The following ZDBF2 variants were observed in gnomAD, a reference collection of about 807,000 sequenced individuals.
ZDBF2 encodes DBF4-type zinc finger-containing protein 2.
In ZDBF2, 6 loss-of-function variants were observed where a neutral mutation model predicts 9.4. The ratio of observed to expected loss-of-function variants is 0.64; its 90% CI spans 0.35 to 1.27. The LOEUF is 1.27. ZDBF2 is among the 50% of genes most tolerant of loss of function. The pLI is 0.03. For synonymous variants in ZDBF2, 905 were observed against 946.3 expected, an observed-to-expected ratio of 0.96 and a Z score of 0.80; for missense variants, 2,697 against 2,766.8, an observed-to-expected ratio of 0.97 and a Z score of 0.57.
Position 206,308,834 on chromosome 2 carries a change from A to G in ZDBF2, c.4306A>G (p.Lys1436Glu), listed in dbSNP as rs1692971508. The change falls in exon 5 of 5, where the codon AAG (lysine) becomes GAG (glutamate). Residue 1436 changes from lysine (K) to glutamate (E), a missense_variant. Lys to Glu is a moderately conservative substitution (Grantham distance 56). Coordinates refer to ENST00000374423, the MANE Select transcript of ZDBF2 (RefSeq NM_020923.3). ...ACCTGTCAAAGAAATAAACTTGCAA[A>G]AGAAGGATCATAATGATCTAGAAAA... ...SVPVKEINLQKKDHNDLENKN... is the reference protein window; with the variant it reads ...SVPVKEINLQEKDHNDLENKN... 6.2e-7 allele frequency: 1 copy of G among 1,613,802 alleles called. No homozygotes were observed.
In ZDBF2 at chr2:206,308,830, G is replaced by T. The variant is rs372608561; in HGVS notation, c.4302G>T (p.Leu1434Phe). 24 of 1,613,638 alleles carry T rather than the reference G, an allele frequency of 1.5e-5. No homozygotes were observed. Among genetic ancestry groups the T allele is most frequent in the Admixed American group, 1.2e-4 (7 of 59,960 alleles). Residue 1434 changes from leucine (L) to phenylalanine (F), a missense_variant, in exon 5 of 5, where the codon TTG becomes TTT. Coordinates refer to ENST00000374423, the MANE Select transcript of ZDBF2 (RefSeq NM_020923.3). ...CTGTACCTGTCAAAGAAATAAACTTGCAAAAGAAGGATCATAATGATCTAG... is the reference window on the plus strand; with the variant it reads ...CTGTACCTGTCAAAGAAATAAACTTTCAAAAGAAGGATCATAATGATCTAG... ...QSSVPVKEIN[L>F]QKKDHNDLEN...
At chr2:206,298,283 C>T (rs946965971) in intron 4 of ZDBF2, among the ~76,000 whole-genome samples, 3 of 152,082 alleles carry the variant, frequency 2.0e-5, no homozygotes, top group African/African-American at 4.8e-5. Context: ...TTGTAGCTCC[C>T]GCTGTACAAG....
chr2:206,294,512 C>CG (rs1305732722), intron 3 of ZDBF2, among the ~76,000 whole-genome samples: 2 of 151,860 alleles, frequency 1.3e-5, no homozygotes, highest in Non-Finnish European at 2.9e-5. Context: ...ATTTTAGATT[C>CG]GGGGGGACAC....
intron 3 of ZDBF2, among the ~76,000 whole-genome samples, chr2:206,284,133 G>A (rs1310605152): frequency 6.6e-6 from 1 of 150,776 alleles, no homozygotes; most frequent in Non-Finnish European, 1.5e-5. Flanking sequence ...TCTTTTATCT[G>A]TTTGAGTTCA....
At chr2:206,292,458 A>G (rs912690575) in intron 3 of ZDBF2, among the ~76,000 whole-genome samples, 4 of 152,174 alleles carry the variant, frequency 2.6e-5, no homozygotes, top group African/African-American at 9.7e-5. Flanking sequence ...ATACAACTCT[A>G]TCAGTAATAC....
chr2:206,278,224 A>T (rs573810114), intron 1 of ZDBF2, among the ~76,000 whole-genome samples: 1 of 152,188 alleles, frequency 6.6e-6, no homozygotes, highest in Non-Finnish European at 1.5e-5. Flanking sequence ...TTTTGTAATA[A>T]AAATTAATAA....
chr2:206,304,750 G>A lies in ZDBF2; in HGVS notation c.222G>A (p.Gly74=). 6.2e-7 allele frequency: 1 copy of A among 1,613,034 alleles called. No homozygotes were observed. Among genetic ancestry groups the A allele is most frequent in the Non-Finnish European group, 8.5e-7 (1 of 1,179,454 alleles). Residue 74 remains glycine (G), a synonymous_variant, in exon 5 of 5, where the codon GGG becomes GGA. Coordinates refer to ENST00000374423, the MANE Select transcript of ZDBF2 (RefSeq NM_020923.3). The part of the protein sequence containing the change: ...STQDETHVNT[G]SSSEVVHLDD... ...AAGATGAGACACATGTGAATACTGG[G>A]TCATCGTCTGAAGTGGTGCATTTGG...
At position 206,308,380 on chromosome 2, in the gene ZDBF2, A is replaced by C. The variant is rs140872576; in HGVS notation, c.3852A>C (p.Arg1284Ser). The change falls in exon 5 of 5, where the codon AGA (arginine) becomes AGC (serine). Residue 1284 changes from arginine (R) to serine (S), a missense_variant. By Grantham distance (110) the Arg-to-Ser change is moderately radical. Coordinates refer to ENST00000374423, the MANE Select transcript of ZDBF2 (RefSeq NM_020923.3). The stretch of plus-strand genomic sequence containing the variant: ...AGATTGTCAAACCTACAGATTCCAG[A>C]ATAAATTTTGATTCTCATGAACCCC... ...ENKIVKPTDS[R>S]INFDSHEPLQ... 291 of 1,612,794 alleles carry C rather than the reference A, an allele frequency of 1.8e-4. 1 individual carries two copies. The East Asian group carries it at 6.3e-3, about 35-fold the overall frequency.
At chr2:206,299,005 C>G (rs533420688) in intron 4 of ZDBF2, among the ~76,000 whole-genome samples, 1 of 151,688 alleles carries the variant, frequency 6.6e-6, no homozygotes, top group Non-Finnish European at 1.5e-5. Flanking sequence ...CTCAGCCTCT[C>G]GAGTGGCTGG....
rs1374474706 is a variant in ZDBF2, at chr2:206,274,964, GGCGGGGC to G, written c.-103+23_-103+29del. 6.7e-6 allele frequency: 1 copy of G among 149,926 alleles called. No individual in the cohort carries two copies. Among genetic ancestry groups the G allele is most frequent in the Non-Finnish European group, 1.5e-5 (1 of 67,384 alleles). 9.3% of individuals were successfully genotyped at this position (149,926 alleles called of 1,614,324 possible). The stretch of plus-strand genomic sequence containing the variant: ...CCGCGGAGGTGAGTGCCGCGGCGGG[GGCGGGGC>G]GCGGCCGGGGCGACGCCCGCGGGCG... On this transcript the variant is annotated intron_variant, in intron 1 of 4. Transcript: ENST00000374423.
chr2:206,282,477 T>C (rs1011755558), intron 3 of ZDBF2, among the ~76,000 whole-genome samples: 6 of 152,114 alleles, frequency 3.9e-5, no homozygotes, highest in African/African-American at 2.4e-5. Context: ...GTTACATGGG[T>C]ATATTGCATA....
chr2:206,299,069 CAG>C (rs996046112), intron 4 of ZDBF2, among the ~76,000 whole-genome samples: 9 of 151,340 alleles, frequency 5.9e-5, no homozygotes, highest in African/African-American at 2.2e-4. Context: ...TTAGTAGAGA[CAG>C]GGTTTCACCA....
chr2:206,304,904 G>A lies in ZDBF2; in HGVS notation c.376G>A (p.Glu126Lys), dbSNP rs1158345523. 1 of 1,613,704 alleles carries A rather than the reference G, an allele frequency of 6.2e-7. No individual in the cohort carries two copies. The highest frequency in any genetic ancestry group is 8.5e-7 in the Non-Finnish European group (1 of 1,179,788). Residue 126 changes from glutamate to lysine, a missense_variant, in exon 5 of 5, where the codon GAA becomes AAA. Physicochemically the swap from Glu to Lys is moderately conservative, Grantham distance 56 (BLOSUM62 1). Transcript: ENST00000374423. The part of the protein sequence containing the change: ...ELHSRPHKSQ[E>K]GTQEVSVRPS... ...ACATTCCAGACCTCATAAATCTCAG[G>A]AAGGCACGCAGGAGGTTTCAGTTCG...
rs913485070 is a variant in ZDBF2 at position 206,299,169 on chromosome 2, A to T, written c.188+1796A>T. Among the ~76,000 whole-genome samples the T allele has an allele frequency of 2.0e-5, 3 of 152,016 alleles. No individual in the cohort carries two copies. The South Asian group carries it at 6.3e-4, about 32-fold the overall frequency. On this transcript the variant is annotated intron_variant, in intron 4 of 4. Coordinates refer to ENST00000374423, the MANE Select transcript of ZDBF2 (RefSeq NM_020923.3). ...GTGCTGGGATTACAGGCGTGAGCCA[A>T]CACGCCCGGCCACATGCAACTATTT...
intron 2 of ZDBF2, among the ~76,000 whole-genome samples, chr2:206,280,179 G>A (rs906749891): frequency 2.0e-5 from 3 of 152,132 alleles, no homozygotes; most frequent in Admixed American, 6.5e-5. Context: ...GATTTGCTAA[G>A]TTTCTGATGG....
In ZDBF2 at chr2:206,310,388, C is replaced by T; in HGVS notation, c.5860C>T (p.Pro1954Ser). 1.2e-6 allele frequency: 2 copies of T among 1,613,730 alleles called. No homozygotes were observed. Among genetic ancestry groups the T allele is most frequent in the East Asian group, 4.5e-5 (2 of 44,862 alleles). ...TACTCAGACCAGTTGTAAGAATTACCCAGTGATGAAAAGAAAAATAATTAG... is the reference window on the plus strand; with the variant it reads ...TACTCAGACCAGTTGTAAGAATTACTCAGTGATGAAAAGAAAAATAATTAG... ...HSTQTSCKNY[P>S]VMKRKIIRQE... Residue 1954 changes from proline (P) to serine (S), a missense_variant, in exon 5 of 5, where the codon CCA becomes TCA. Around this residue, in one of 3 missense-constraint regions of ZDBF2, gnomAD observed 1,783 missense variants for 1,776.5 expected, o/e 1.00. Transcript: ENST00000374423.
chr2:206,283,772 T>C (rs1248108969), intron 3 of ZDBF2, among the ~76,000 whole-genome samples: 5 of 152,188 alleles, frequency 3.3e-5, no homozygotes, highest in Admixed American at 3.3e-4. Context: ...CAAGCAGTTC[T>C]CCTGCCTCAG....
At chr2:206,279,189 G>T (rs1181527684) in intron 1 of ZDBF2, among the ~76,000 whole-genome samples, 2 of 152,198 alleles carry the variant, frequency 1.3e-5, no homozygotes, top group Non-Finnish European at 2.9e-5. Flanking sequence ...GCCTCGGGAA[G>T]TTTCTCATGA....
rs200754107 is a variant in ZDBF2 at position 206,310,594 on chromosome 2, T to C, written c.6066T>C (p.Gly2022=). The change falls in exon 5 of 5, where the codon GGT becomes GGC. Residue 2022 remains glycine (G), a synonymous_variant. Coordinates refer to ENST00000374423, the MANE Select transcript of ZDBF2 (RefSeq NM_020923.3). The part of the protein sequence containing the change: ...LSSLNIKLKE[G]EGLPFPKMRH... ...CTTTAAATATTAAACTGAAAGAGGG[T>C]GAAGGCCTTCCTTTCCCTAAAATGA... 1.0e-4 allele frequency: 168 copies of C among 1,610,808 alleles called. No individual in the cohort carries two copies. Among genetic ancestry groups the C allele is most frequent in the Middle Eastern group, 3.3e-4 (2 of 6,078 alleles).
Sources: allele counts gnomAD v4.1 joint callset (sites outside exome capture counted in the v4.1 genomes callset), GRCh38; gene constraint gnomAD v4.1.1; regional missense constraint gnomAD v4.1.1; transcripts MANE v1.5; gene names NCBI Gene and HGNC (gene_info 2026-07-23, HGNC 2026-07-21).